The following GAS7 variants were observed in gnomAD, a reference collection of about 807,000 sequenced individuals.
GAS7 encodes growth arrest-specific protein 7.
In GAS7, 28 loss-of-function variants were observed where a neutral mutation model predicts 71.1. The observed-to-expected ratio is 0.39, with a 90% CI of 0.29 to 0.54. The LOEUF is 0.54. Ranked by LOEUF, GAS7 falls within the 20% of genes least tolerant of loss-of-function variation. The probability of loss-of-function intolerance (pLI) is 0.62; values close to 1 mark genes in which losing one functional copy is unlikely to be tolerated. For missense variants in GAS7, 436 were observed against 627.8 expected (o/e 0.69, Z 3.27); for synonymous variants, 258 against 245.8 (o/e 1.05, Z -0.46).
At chr17:9,968,978 G>C (rs2069838937) in intron 4 of GAS7, among the ~76,000 whole-genome samples, 1 of 152,126 alleles carries the variant, frequency 6.6e-6, no homozygotes, top group Admixed American at 6.5e-5. Context: ...ACTAAATAAG[G>C]CTAGTCCTCA....
intron 1 of GAS7, among the ~76,000 whole-genome samples, chr17:10,043,724 G>A (rs35151270): frequency 0.2 from 30,964 of 152,082 alleles, 3,648 homozygotes; most frequent in African/African-American, 0.32. Context: ...AGACCAGCCT[G>A]GGCAGTCTGG....
At chr17:10,098,594 G>T (rs1464323301) in intron 1 of GAS7, among the ~76,000 whole-genome samples, 1 of 152,226 alleles carries the variant, frequency 6.6e-6, no homozygotes, top group Non-Finnish European at 1.5e-5. Context: ...GGTATGACAG[G>T]AGCTACAAGG....
At position 9,922,021 on chromosome 17, in the gene GAS7, C is replaced by A. The variant is rs374517174; in HGVS notation, c.1139-2316G>T. ...CTCAACTACTTATTAGCTATGTAAT[C>A]GTAGACAAGTCGGTTATCCTGCGCT... On this transcript the variant is annotated intron_variant, in intron 11 of 13. Transcript: ENST00000432992. Among the ~76,000 whole-genome samples, 5 of 151,388 alleles carry A rather than the reference C, an allele frequency of 3.3e-5. No individual in the cohort carries two copies. The South Asian group carries it at 6.3e-4, about 19-fold the overall frequency.
At chr17:10,056,751 C>T (rs1162630335) in intron 1 of GAS7, among the ~76,000 whole-genome samples, 1 of 151,722 alleles carries the variant, frequency 6.6e-6, no homozygotes, top group South Asian at 2.1e-4. Context: ...CGTCTCCCTC[C>T]CCACGATCTC....
At chr17:10,057,745 G>C (rs904541525) in intron 1 of GAS7, among the ~76,000 whole-genome samples, 4 of 152,242 alleles carry the variant, frequency 2.6e-5, no homozygotes, top group Non-Finnish European at 5.9e-5. Context: ...CCGTCTGGAA[G>C]GTGTACCCAG....
intron 1 of GAS7, among the ~76,000 whole-genome samples, chr17:10,063,557 G>A (rs1375438951): frequency 2.0e-5 from 3 of 152,128 alleles, no homozygotes; most frequent in Non-Finnish European, 1.5e-5. Context: ...CAAACAGTTC[G>A]GCAGTTTGCC....
intron 1 of GAS7, among the ~76,000 whole-genome samples, chr17:10,153,601 A>C (rs897106991): frequency 2.6e-5 from 4 of 152,178 alleles, no homozygotes; most frequent in African/African-American, 9.6e-5. Flanking sequence ...AAATGAGTAG[A>C]AGAATAAAAT....
In GAS7 at chr17:9,934,861, G is replaced by A. The variant is rs565073396; in HGVS notation, c.807-617C>T. ...AGCGATTCTCCTGTCTCAGCCTCCC[G>A]AGTAGCTGGGATTACAGGCGTGTGC... On this transcript the variant is annotated intron_variant, in intron 8 of 13. Transcript: ENST00000432992. Among the ~76,000 whole-genome samples, 10 of 152,260 alleles carry A rather than the reference G, an allele frequency of 6.6e-5. No homozygotes were observed. In the East Asian group the frequency reaches 1.4e-3, roughly 21 times the overall value.
chr17:10,098,112 A>C (rs758909407), intron 1 of GAS7, among the ~76,000 whole-genome samples: 3 of 151,750 alleles, frequency 2.0e-5, no homozygotes, highest in Non-Finnish European at 2.9e-5. Flanking sequence ...GGTGTCCCCA[A>C]ACTTCTGTGC....
chr17:9,999,595 T>A (rs1323393189), intron 2 of GAS7, among the ~76,000 whole-genome samples: 1 of 152,096 alleles, frequency 6.6e-6, no homozygotes, highest in Non-Finnish European at 1.5e-5. Context: ...GAGGTGAGGC[T>A]ATTCTGGAAA....
At chr17:10,195,366 T>A (rs2074533585) in intron 1 of GAS7, among the ~76,000 whole-genome samples, 1 of 152,074 alleles carries the variant, frequency 6.6e-6, no homozygotes, top group South Asian at 2.1e-4. Flanking sequence ...ACAAGGAAGA[T>A]CTCCTTGGGA....
intron 1 of GAS7, among the ~76,000 whole-genome samples, chr17:10,024,582 G>A (rs2072395332): frequency 6.6e-6 from 1 of 152,146 alleles, no homozygotes; most frequent in Admixed American, 6.6e-5. Context: ...ACCTAATACA[G>A]GGTGTCTTTG....
chr17:9,943,141 C>T lies in GAS7; in HGVS notation c.711G>A (p.Met237Ile). 6.2e-7 allele frequency: 1 copy of T among 1,610,270 alleles called. No individual in the cohort carries two copies. The highest frequency in any genetic ancestry group is 1.7e-4 in the Middle Eastern group (1 of 6,054). The change falls in exon 7 of 14, where the codon ATG (methionine) becomes ATA (isoleucine). Residue 237 changes from methionine to isoleucine, a missense_variant. Met to Ile is a conservative substitution (Grantham distance 10, BLOSUM62 1). Coordinates refer to ENST00000432992, the MANE Select transcript of GAS7 (RefSeq NM_201433.2). Reference sequence around the variant, plus strand: ...TTCACCTTTCCCGGATGAATTCTGACATTTCCTTCTGCATTTGTTTGCCCT... The same window carrying T: ...TTCACCTTTCCCGGATGAATTCTGATATTTCCTTCTGCATTTGTTTGCCCT... ...QLKGKQMQKEMSEFIRERIKI... is the reference protein window; with the variant it reads ...QLKGKQMQKEISEFIRERIKI...
chr17:10,044,898 C>CA (rs1271553596), intron 1 of GAS7, among the ~76,000 whole-genome samples: 1 of 151,906 alleles, frequency 6.6e-6, no homozygotes, highest in Admixed American at 6.6e-5. Context: ...ACTGAAAATA[C>CA]AAAAAATTAG....
intron 7 of GAS7, among the ~76,000 whole-genome samples, chr17:9,941,160 G>A (rs2068588060): frequency 6.6e-6 from 1 of 152,208 alleles, no homozygotes; most frequent in African/African-American, 2.4e-5. Context: ...TTGGCATCAG[G>A]AGACTCACAA....
At chr17:10,117,049 G>A (rs1015068122) in intron 1 of GAS7, among the ~76,000 whole-genome samples, 24 of 152,226 alleles carry the variant, frequency 1.6e-4, no homozygotes, top group Non-Finnish European at 1.8e-4. Context: ...TTACAGTTCT[G>A]GAGGTCAAAA....
intron 1 of GAS7, among the ~76,000 whole-genome samples, chr17:10,038,678 G>A (rs114273865): frequency 0.023 from 3,499 of 150,264 alleles, 130 homozygotes; most frequent in African/African-American, 0.08. Flanking sequence ...ATATTACTCA[G>A]CCTTAAGAAG....
chr17:10,189,651 A>G (rs896761260), intron 1 of GAS7, among the ~76,000 whole-genome samples: 1 of 152,048 alleles, frequency 6.6e-6, no homozygotes, highest in African/African-American at 2.4e-5. Context: ...AAATAGTCAC[A>G]TGGCTGGCTG....
At chr17:10,017,285 T>C (rs923352186) in intron 2 of GAS7, among the ~76,000 whole-genome samples, 1 of 151,600 alleles carries the variant, frequency 6.6e-6, no homozygotes, top group African/African-American at 2.4e-5. Context: ...CCAACTATCA[T>C]ATGGCCCAGT....
Sources: allele counts gnomAD v4.1 joint callset (sites outside exome capture counted in the v4.1 genomes callset), GRCh38; gene constraint gnomAD v4.1.1; transcripts MANE v1.5; gene names NCBI Gene and HGNC (gene_info 2026-07-23, HGNC 2026-07-21).